KMT2C: variants seen among roughly 807,000 people sequenced by gnomAD.
The protein encoded by KMT2C is histone-lysine N-methyltransferase 2C.
KMT2C carries 88 observed loss-of-function variants against 507.9 expected under a neutral mutation model. The observed-to-expected ratio is 0.17, with a 90% CI of 0.15 to 0.21. The LOEUF (loss-of-function observed/expected upper bound fraction) is 0.21. Among genes scored for constraint, KMT2C ranks in the 10% least tolerant of loss-of-function variants. The pLI is 1.00. For missense variants in KMT2C, 4,954 were observed against 5,957.8 expected, an observed-to-expected ratio of 0.83 and a Z score of 5.55; for synonymous variants, 2,049 against 2,080.8, an observed-to-expected ratio of 0.98 and a Z score of 0.42.
At chr7:152,239,241 G>A (rs2095339589) in intron 14 of KMT2C, among the ~76,000 whole-genome samples, 1 of 152,108 alleles carries the variant, frequency 6.6e-6, no homozygotes, top group Admixed American at 6.5e-5. Flanking sequence ...AAGGAGAAAT[G>A]GATAACCATA....
intron 1 of KMT2C, among the ~76,000 whole-genome samples, chr7:152,415,020 T>C (rs532785417): frequency 0.015 from 2,324 of 152,088 alleles, 33 homozygotes; most frequent in Middle Eastern, 0.041. Context: ...TAATTTTTTA[T>C]TTTTTTGTAG....
chr7:152,279,700 A>T (rs2096164413), intron 6 of KMT2C, among the ~76,000 whole-genome samples: 1 of 150,942 alleles, frequency 6.6e-6, no homozygotes, highest in Non-Finnish European at 1.5e-5. Context: ...GCTAAAAAAA[A>T]TAACATCAAA....
At chr7:152,261,586 TA>T (rs1336281334) in intron 9 of KMT2C, among the ~76,000 whole-genome samples, 3 of 151,704 alleles carry the variant, frequency 2.0e-5, no homozygotes, top group East Asian at 1.9e-4. Context: ...CAGCACAACT[TA>T]AAAAAAAGAT....
Position 152,414,283 on chromosome 7 carries a change from T to C in KMT2C, c.161+21343A>G, listed in dbSNP as rs62495288. On this transcript the variant is annotated intron_variant, in intron 1 of 58. Coordinates refer to ENST00000262189, the MANE Select transcript of KMT2C (RefSeq NM_170606.3). ...CTGGCTCACACCTGTAATCCCAGCA[T>C]TTTGGGAGGCCAAGGGGGTGCGGAT... Among the ~76,000 whole-genome samples the C allele has an allele frequency of 3.9e-3, 569 of 146,484 alleles. 8 individuals carry two copies. Among genetic ancestry groups the C allele is most frequent in the African/African-American group, 0.014 (552 of 39,888 alleles).
At chr7:152,211,168 TAGAG>T (rs973752697) in intron 23 of KMT2C, among the ~76,000 whole-genome samples, 2 of 152,192 alleles carry the variant, frequency 1.3e-5, no homozygotes, top group African/African-American at 4.8e-5. Flanking sequence ...GCAGGTCACA[TAGAG>T]AGAACCGAGT....
intron 1 of KMT2C, among the ~76,000 whole-genome samples, chr7:152,415,667 T>A (rs1298958017): frequency 1.3e-5 from 2 of 152,038 alleles, no homozygotes; most frequent in African/African-American, 4.8e-5. Flanking sequence ...GATCATGAGA[T>A]CAGGTGCTCG....
chr7:152,200,247 A>G (rs1286454648), intron 26 of KMT2C, among the ~76,000 whole-genome samples: 4 of 152,224 alleles, frequency 2.6e-5, no homozygotes, highest in Non-Finnish European at 5.9e-5. Flanking sequence ...TCACTGTAGC[A>G]TATTTTGTAA....
intron 53 of KMT2C, among the ~76,000 whole-genome samples, chr7:152,145,684 ATC>A (rs909731223): frequency 2.6e-5 from 4 of 152,216 alleles, no homozygotes; most frequent in African/African-American, 7.2e-5. Flanking sequence ...CAACTTTTAT[ATC>A]TCTGTCTGGA....
In KMT2C at chr7:152,429,680, C is replaced by G. The variant is rs533712562; in HGVS notation, c.161+5946G>C. 3.4e-4 allele frequency among the ~76,000 whole-genome samples: 51 copies of G among 151,868 alleles called. 1 individual carries two copies. Among genetic ancestry groups the G allele is most frequent in the Admixed American group, 3.3e-3 (50 of 15,256 alleles). ...GGACTATAGGTGCCTGCCACCACGCCCAGCTAATTTTTGTATTTTTGGTAG... is the reference window on the plus strand; with the variant it reads ...GGACTATAGGTGCCTGCCACCACGCGCAGCTAATTTTTGTATTTTTGGTAG... On this transcript the variant is annotated intron_variant, in intron 1 of 58. Transcript: ENST00000262189.
intron 3 of KMT2C, among the ~76,000 whole-genome samples, chr7:152,317,947 A>G (rs1170019633): frequency 6.6e-6 from 1 of 151,702 alleles, no homozygotes; most frequent in Non-Finnish European, 1.5e-5. Flanking sequence ...AGACCAGCCC[A>G]GCCAACATGG....
intron 6 of KMT2C, among the ~76,000 whole-genome samples, chr7:152,299,178 T>C (rs986734016): frequency 1.3e-5 from 2 of 151,444 alleles, no homozygotes; most frequent in African/African-American, 4.9e-5. Flanking sequence ...ATTAGCTGGG[T>C]GTGGTGGTGC....
In KMT2C at chr7:152,203,072, AAC is replaced by A; in HGVS notation, c.3962-10_3962-9del. 1 of 1,585,308 alleles carries A rather than the reference AAC, an allele frequency of 6.3e-7. No homozygotes were observed. Among genetic ancestry groups the A allele is most frequent in the Non-Finnish European group, 8.6e-7 (1 of 1,169,158 alleles). On this transcript the variant is annotated splice_polypyrimidine_tract_variant and intron_variant, in intron 25 of 58. Coordinates refer to ENST00000262189, the MANE Select transcript of KMT2C (RefSeq NM_170606.3). ...GTAACTGCTCACTCCAGCCTGAAACAACAGTCACATTTATAAATATGTGACAT... is the reference window on the plus strand; with the variant it reads ...GTAACTGCTCACTCCAGCCTGAAACAAGTCACATTTATAAATATGTGACAT...
At chr7:152,142,168 C>A (rs2129091358) in intron 55 of KMT2C, among the ~76,000 whole-genome samples, 1 of 152,292 alleles carries the variant, frequency 6.6e-6, no homozygotes, top group South Asian at 2.1e-4. Context: ...AATCTAGGGT[C>A]TTGACCAAGA....
In KMT2C at chr7:152,237,561, G is replaced by A. The variant is rs1366638289; in HGVS notation, c.2652+1146C>T. On this transcript the variant is annotated intron_variant, in intron 15 of 58. Transcript: ENST00000262189. ...TGCCCAGGCTGGAGTGCAATGGTGC[G>A]ATCTTGGCTCACTGCAACCTCCGTC... is the stretch of plus-strand genomic sequence containing the variant. Among the ~76,000 whole-genome samples the A allele has an allele frequency of 9.9e-5, 15 of 152,114 alleles. No homozygotes were observed. The East Asian group carries it at 1.5e-3, about 16-fold the overall frequency.
intron 18 of KMT2C, among the ~76,000 whole-genome samples, chr7:152,229,558 G>A (rs1205327994): frequency 6.6e-6 from 1 of 152,160 alleles, no homozygotes; most frequent in Non-Finnish European, 1.5e-5. Flanking sequence ...GAGAATGCGG[G>A]AAAGAACAGA....
intron 23 of KMT2C, among the ~76,000 whole-genome samples, chr7:152,215,628 C>T (rs1294820347): frequency 2.1e-5 from 3 of 146,294 alleles, no homozygotes; most frequent in Middle Eastern, 3.6e-3. Flanking sequence ...ATATTTGCAG[C>T]CATAAAAAAA....
At chr7:152,344,070 A>C (rs2097027376) in intron 2 of KMT2C, among the ~76,000 whole-genome samples, 1 of 152,232 alleles carries the variant, frequency 6.6e-6, no homozygotes, top group South Asian at 2.1e-4. Flanking sequence ...AATGTATTCA[A>C]TTATGATTGC....
chr7:152,305,749 G>A (rs1034064972), intron 6 of KMT2C, among the ~76,000 whole-genome samples: 5 of 152,112 alleles, frequency 3.3e-5, no homozygotes, highest in African/African-American at 4.8e-5. Flanking sequence ...GTAGGTTCCC[G>A]TGCTTTGAAC....
chr7:152,178,874 C>T (rs1334346100), intron 37 of KMT2C, among the ~76,000 whole-genome samples: 1 of 152,128 alleles, frequency 6.6e-6, no homozygotes, highest in Non-Finnish European at 1.5e-5. Flanking sequence ...TTGACTTTAG[C>T]CACTTTGAAA....
Sources: gnomAD v4.1 joint callset for allele counts (sites outside exome capture counted in the v4.1 genomes callset) on GRCh38, gnomAD v4.1.1 for gene constraint, MANE v1.5 for transcripts, NCBI Gene and HGNC (gene_info 2026-07-23, HGNC 2026-07-21) for gene names.